Variants in ELL observed in about 807,000 individuals in gnomAD.
ELL encodes the protein RNA polymerase II elongation factor ELL.
Under a neutral mutation model 64.0 loss-of-function variants are expected in ELL, and 18 were observed. The observed-to-expected ratio is 0.28, with a 90% CI of 0.19 to 0.42. The LOEUF is 0.42. Among genes scored for constraint, ELL ranks in the 10% least tolerant of loss-of-function variants. The pLI is 1.00. For synonymous variants in ELL, 399 were observed against 376.2 expected, an observed-to-expected ratio of 1.06 and a Z score of -0.70; for missense variants, 797 against 870.4, an observed-to-expected ratio of 0.92 and a Z score of 1.06.
intron 5 of ELL, among the ~76,000 whole-genome samples, chr19:18,459,646 A>G (rs915386242): frequency 6.6e-6 from 1 of 151,556 alleles, no homozygotes; most frequent in Non-Finnish European, 1.5e-5. Context: ...CAGCCTCTGG[A>G]GTAGCTGGGA....
At chr19:18,459,001 G>A (rs1387325980) in intron 5 of ELL, among the ~76,000 whole-genome samples, 2 of 152,106 alleles carry the variant, frequency 1.3e-5, no homozygotes, top group African/African-American at 2.4e-5. Context: ...CGATCCTCTT[G>A]CCTCAGTCTC....
intron 1 of ELL, among the ~76,000 whole-genome samples, chr19:18,491,885 C>T (rs189489260): frequency 4.3e-4 from 66 of 152,134 alleles, no homozygotes; most frequent in Middle Eastern, 6.8e-3. Flanking sequence ...AGTGTGAGAC[C>T]CAGTCTAAAA....
Position 18,490,806 on chromosome 19 carries a change from G to A in ELL, c.136-17924C>T, listed in dbSNP as rs118133177. 2.3e-4 allele frequency among the ~76,000 whole-genome samples: 35 copies of A among 152,260 alleles called. No homozygotes were observed. The East Asian group carries it at 6.6e-3, about 29-fold the overall frequency. On this transcript the variant is annotated intron_variant, in intron 1 of 11. Coordinates refer to ENST00000262809, the MANE Select transcript of ELL (RefSeq NM_006532.4). ...ACCCACTGCACACCCGCAGCCCCAG[G>A]TGTAGTGCCTGCCATCTGCAGTTTG...
At chr19:18,482,719 G>C (rs531926668) in intron 1 of ELL, among the ~76,000 whole-genome samples, 1 of 152,024 alleles carries the variant, frequency 6.6e-6, no homozygotes, top group East Asian at 1.9e-4. Context: ...TCTTTTATGG[G>C]TGGGTCTTGA....
chr19:18,474,975 T>G (rs887564594), intron 1 of ELL, among the ~76,000 whole-genome samples: 1 of 152,048 alleles, frequency 6.6e-6, no homozygotes, highest in Admixed American at 6.6e-5. Context: ...AATACAAAAA[T>G]TAGCTGGGCG....
intron 2 of ELL, among the ~76,000 whole-genome samples, chr19:18,466,686 C>T (rs1029333524): frequency 1.3e-5 from 2 of 152,248 alleles, no homozygotes; most frequent in Non-Finnish European, 2.9e-5. Context: ...GCATTCCAGG[C>T]TGACCCCAGA....
intron 1 of ELL, among the ~76,000 whole-genome samples, chr19:18,513,062 G>A (rs924769837): frequency 1.3e-5 from 2 of 152,202 alleles, no homozygotes; most frequent in African/African-American, 4.8e-5. Context: ...CTGAAGAACG[G>A]TGAGAAGGAC....
At chr19:18,519,893 G>C (rs1600515972) in intron 1 of ELL, among the ~76,000 whole-genome samples, 1 of 151,728 alleles carries the variant, frequency 6.6e-6, no homozygotes, top group East Asian at 1.9e-4. Flanking sequence ...AAAAATCCAA[G>C]TTTGAATCAC....
intron 1 of ELL, among the ~76,000 whole-genome samples, chr19:18,506,381 CA>C (rs1975885319): frequency 6.6e-6 from 1 of 152,370 alleles, no homozygotes; most frequent in South Asian, 2.1e-4. Flanking sequence ...CCCTCTCCCC[CA>C]GGGGGAAAGG....
At position 18,522,069 on chromosome 19, in the gene ELL, C is replaced by G; in HGVS notation, c.-14G>C. The G allele has an allele frequency of 6.3e-7, 1 of 1,590,488 alleles. No individual in the cohort carries two copies. Among genetic ancestry groups the G allele is most frequent in the Non-Finnish European group, 8.6e-7 (1 of 1,166,738 alleles). The stretch of plus-strand genomic sequence containing the variant: ...CAGCGCCGCCATCTTGCGACCATCT[C>G]TCCCCCGCGCCCCCTTCCCGGCTCC... On this transcript the variant is annotated 5_prime_UTR_variant, in exon 1 of 12. Coordinates refer to ENST00000262809, the MANE Select transcript of ELL (RefSeq NM_006532.4).
intron 1 of ELL, among the ~76,000 whole-genome samples, chr19:18,490,734 C>T (rs1033416937): frequency 6.6e-6 from 1 of 152,190 alleles, no homozygotes; most frequent in Admixed American, 6.5e-5. Flanking sequence ...GCCCAGACAG[C>T]GCTGCCCCGT....
intron 8 of ELL, 138 bp downstream of exon 8, chr19:18,450,339 A>T (rs1974495674): frequency 7.1e-7 from 1 of 1,404,310 alleles, no homozygotes; most frequent in South Asian, 1.5e-5. Context: ...ACACAGGGCA[A>T]ATCTGATGGG....
intron 1 of ELL, among the ~76,000 whole-genome samples, chr19:18,503,968 T>C (rs1380091672): frequency 1.3e-5 from 2 of 152,164 alleles, no homozygotes; most frequent in Admixed American, 6.5e-5. Context: ...CTCCTATCCA[T>C]GTGGACAACC....
intron 1 of ELL, among the ~76,000 whole-genome samples, chr19:18,479,730 T>G (rs933686626): frequency 1.0e-5 from 1 of 99,284 alleles, no homozygotes; most frequent in Non-Finnish European, 2.0e-5. Context: ...AAAAAAAAAA[T>G]CTAGGATTGT....
chr19:18,454,938 G>A (rs141367392), intron 6 of ELL, among the ~76,000 whole-genome samples: 1 of 150,254 alleles, frequency 6.7e-6, no homozygotes. Context: ...TCAGGAGTTT[G>A]AGACAAGCCT....
chr19:18,509,473 C>G (rs908169233), intron 1 of ELL, among the ~76,000 whole-genome samples: 1 of 152,156 alleles, frequency 6.6e-6, no homozygotes, highest in African/African-American at 2.4e-5. Context: ...TGGCCGCCCC[C>G]ACCCGGCCCC....
At chr19:18,464,734 G>C (rs562851493) in intron 4 of ELL, among the ~76,000 whole-genome samples, 2 of 152,334 alleles carry the variant, frequency 1.3e-5, no homozygotes, top group East Asian at 3.9e-4. Context: ...CCCTACTCCT[G>C]CCGTAATGAG....
chr19:18,446,393 G>A lies in ELL; in HGVS notation c.1620C>T (p.His540=), dbSNP rs372401187. Residue 540 remains histidine, a synonymous_variant, in exon 10 of 12, where the codon CAC becomes CAT. Transcript: ENST00000262809. ...NAEYSEYRDL[H]ARIERITRRF... Reference sequence around the variant, plus strand: ...GCCGCGTGATGCGCTCAATGCGGGCGTGCAGGTCGCGGTACTCGCTGTACT... The same window carrying A: ...GCCGCGTGATGCGCTCAATGCGGGCATGCAGGTCGCGGTACTCGCTGTACT... 58 of 1,611,826 alleles carry A rather than the reference G, an allele frequency of 3.6e-5. No individual in the cohort carries two copies. The highest frequency in any genetic ancestry group is 4.6e-5 in the Non-Finnish European group (54 of 1,179,740).
intron 1 of ELL, chr19:18,475,902 A>T (rs1308165422): frequency 6.6e-6 from 1 of 152,316 alleles, no homozygotes; most frequent in African/African-American, 2.4e-5. Context: ...AGGGCACAGG[A>T]GCAACATTCT....
Sources: gnomAD v4.1 joint callset for allele counts (sites outside exome capture counted in the v4.1 genomes callset) on GRCh38, gnomAD v4.1.1 for gene constraint, MANE v1.5 for transcripts, NCBI Gene and HGNC (gene_info 2026-07-23, HGNC 2026-07-21) for gene names.